The following DYNC2I1 variants were observed in gnomAD, a reference collection of about 807,000 sequenced individuals.
DYNC2I1 encodes the protein dynein 2 intermediate chain 1, also known as cytoplasmic dynein 2 intermediate chain 1.
A neutral mutation model predicts 133.4 loss-of-function variants in DYNC2I1; 89 were observed. That is an observed-to-expected ratio of 0.67 (90% CI 0.56 to 0.80). DYNC2I1 has a LOEUF of 0.80. Ranked by LOEUF, DYNC2I1 falls within the 30% of genes least tolerant of loss-of-function variation. The pLI is 0.00. For synonymous variants in DYNC2I1, 504 were observed against 484.3 expected (o/e 1.04, Z -0.54); for missense variants, 1,291 against 1,314.5 (o/e 0.98, Z 0.28).
At chr7:158,870,675 A>G (rs1242847733) in intron 2 of DYNC2I1, among the ~76,000 whole-genome samples, 1 of 151,892 alleles carries the variant, frequency 6.6e-6, no homozygotes, top group Non-Finnish European at 1.5e-5. Context: ...GCCTGGTCCT[A>G]CTTATTTTTT....
At chr7:158,918,488 T>C (rs1246672994) in intron 14 of DYNC2I1, among the ~76,000 whole-genome samples, 1 of 152,206 alleles carries the variant, frequency 6.6e-6, no homozygotes. Flanking sequence ...CTGTGATTTT[T>C]AGCAGTGTAT....
chr7:158,952,566 T>TAA lies in DYNC2I1; in HGVS notation c.*57-4011_*57-4010dup, dbSNP rs34451570. Reference sequence around the variant, plus strand: ...AAAGCAGAAAAGTAAACTAGATACTTAAAAAAATATCCTAAGGGAATAAGA... The same window carrying TAA: ...AAAGCAGAAAAGTAAACTAGATACTTAAAAAAAAATATCCTAAGGGAATAAGA... On this transcript the variant is annotated intron_variant and NMD_transcript_variant, in intron 4 of 4. Transcript: ENST00000454771. Among the ~76,000 whole-genome samples, 1,210 of 151,156 alleles carry TAA rather than the reference T, an allele frequency of 8.0e-3. 17 individuals carry two copies. Among genetic ancestry groups the TAA allele is most frequent in the Non-Finnish European group, 0.013 (874 of 67,742 alleles).
chr7:158,905,287 C>T (rs1317898127), intron 10 of DYNC2I1: 1 of 324,898 alleles, frequency 3.1e-6, no homozygotes, highest in South Asian at 2.5e-5. Context: ...ACTACAGGTG[C>T]TCGTCACCAT....
rs1850557004 is a variant in DYNC2I1, at chr7:158,934,514, A to G, written c.2743A>G (p.Ile915Val). ...TATAAGACCAGTGAAAGTTAATGTC[A>G]TTGATTTTTCACCATTTGGAGAACC... ...HGIRPVKVNV[I>V]DFSPFGEPIF... The change falls in exon 23 of 25, where the codon ATT becomes GTT. Residue 915 changes from isoleucine (I) to valine (V), a missense_variant. Physicochemically the swap from Ile to Val is conservative, Grantham distance 29 (BLOSUM62 3). Transcript: ENST00000407559. 1 of 1,560,314 alleles carries G rather than the reference A, an allele frequency of 6.4e-7. No individual in the cohort carries two copies. Among genetic ancestry groups the G allele is most frequent in the Non-Finnish European group, 8.7e-7 (1 of 1,151,412 alleles).
rs933093847 is a variant in DYNC2I1 at position 158,934,157 on chromosome 7, G to A, written c.2575G>A (p.Gly859Ser). 6.2e-7 allele frequency: 1 copy of A among 1,611,778 alleles called. No individual in the cohort carries two copies. The highest frequency in any genetic ancestry group is 1.3e-5 in the African/African-American group (1 of 74,876). ...TTCCCATAAAGGTAATGAATTTTGG[G>A]GCACTACACAAACACTGAATGTTAA... ...SLSHKGNEFW[G>S]TTQTLNVKFL... Residue 859 changes from glycine to serine, a missense_variant, in exon 22 of 25, where the codon GGC becomes AGC. Transcript: ENST00000407559.
chr7:158,874,450 GTATT>G (rs1421564448), intron 3 of DYNC2I1, among the ~76,000 whole-genome samples: 2 of 152,068 alleles, frequency 1.3e-5, no homozygotes, highest in Non-Finnish European at 2.9e-5. Context: ...GATGTTTTTG[GTATT>G]TATTTGCAAT....
intron 4 of DYNC2I1, among the ~76,000 whole-genome samples, chr7:158,878,798 G>T (rs1191785291): frequency 2.9e-5 from 4 of 136,724 alleles, no homozygotes; most frequent in Non-Finnish European, 6.2e-5. Flanking sequence ...TGAGTGCCAG[G>T]TGCCATGTGG....
chr7:158,930,572 A>G, intron 21 of DYNC2I1, 57 bp downstream of exon 21: 8 of 1,438,740 alleles, frequency 5.6e-6, no homozygotes, highest in Non-Finnish European at 7.7e-6. Context: ...GGAAAATAAC[A>G]TTGGGGAATT....
chr7:158,863,416 T>C (rs1363746908), intron 1 of DYNC2I1, among the ~76,000 whole-genome samples: 1 of 152,006 alleles, frequency 6.6e-6, no homozygotes, highest in East Asian at 1.9e-4. Context: ...CCCAGGAGGC[T>C]TCACCTCTGG....
intron 3 of DYNC2I1, among the ~76,000 whole-genome samples, chr7:158,873,920 C>T (rs1843103253): frequency 6.6e-6 from 1 of 152,056 alleles, no homozygotes; most frequent in South Asian, 2.1e-4. Flanking sequence ...CCACACCTGG[C>T]TAATTTTTTG....
chr7:158,926,666 G>A (rs1376033904), intron 19 of DYNC2I1, among the ~76,000 whole-genome samples: 2 of 152,330 alleles, frequency 1.3e-5, no homozygotes, highest in South Asian at 4.1e-4. Flanking sequence ...AGTGAAATAG[G>A]GACTCTCACA....
chr7:158,891,865 T>C (rs975712518), intron 8 of DYNC2I1, among the ~76,000 whole-genome samples: 1 of 114,286 alleles, frequency 8.7e-6, no homozygotes. Flanking sequence ...AAGGGAAGAA[T>C]TGCGGACGGG....
intron 10 of DYNC2I1, chr7:158,905,423 G>GA: frequency 9.1e-6 from 2 of 219,546 alleles, no homozygotes; most frequent in South Asian, 1.2e-4. Context: ...TTACAGGCAT[G>GA]AGCCATCGTA....
intron 15 of DYNC2I1, among the ~76,000 whole-genome samples, chr7:158,919,841 C>T (rs2129486224): frequency 6.6e-6 from 1 of 152,192 alleles, no homozygotes; most frequent in South Asian, 2.1e-4. Context: ...TCCACACTCC[C>T]ACACCCAGCA....
At chr7:158,848,740 C>T in the DYNC2I1 span, among the ~76,000 whole-genome samples, 685 of 152,126 alleles carry the variant, frequency 4.5e-3, 2 homozygotes, top group African/African-American at 0.014. Context: ...CTGGCTAACA[C>T]GGTGAAACCC....
At chr7:158,875,091 CTTTTTTTTTT>C (rs35170585) in intron 3 of DYNC2I1, among the ~76,000 whole-genome samples, 1 of 110,594 alleles carries the variant, frequency 9.0e-6, no homozygotes, top group African/African-American at 3.5e-5. Context: ...TGGTAAATGC[CTTTTTTTTTT>C]TTTTTTTTTT....
chr7:158,948,980 G>C (rs963733361), downstream of DYNC2I1, among the ~76,000 whole-genome samples: 1 of 152,260 alleles, frequency 6.6e-6, no homozygotes, highest in East Asian at 1.9e-4. Flanking sequence ...CGCTAATCTC[G>C]GACTGACTCC....
At chr7:158,954,017 G>A (rs976445713) in intron 4 of DYNC2I1, among the ~76,000 whole-genome samples, 3 of 152,150 alleles carry the variant, frequency 2.0e-5, no homozygotes, top group Non-Finnish European at 4.4e-5. Flanking sequence ...GGGATCTGGT[G>A]GGAAGTAACT....
upstream of DYNC2I1, among the ~76,000 whole-genome samples, chr7:158,853,655 G>GT (rs34498148): frequency 4.3e-3 from 608 of 140,050 alleles, 3 homozygotes; most frequent in African/African-American, 8.2e-3. Context: ...GAGACCAGAG[G>GT]TTTTTTTTTT....
Sources: allele counts gnomAD v4.1 joint callset (sites outside exome capture counted in the v4.1 genomes callset), GRCh38; gene constraint gnomAD v4.1.1; transcripts MANE v1.5; gene names NCBI Gene and HGNC (gene_info 2026-07-23, HGNC 2026-07-21).